The following SMARCA4 variants were observed in gnomAD, a reference collection of about 807,000 sequenced individuals.
SMARCA4 encodes SWI/SNF related BAF chromatin remodeling complex subunit ATPase 4, also known as SWI/SNF-related matrix-associated actin-dependent regulator of chromatin subfamily A member 4.
Under a neutral mutation model 193.9 loss-of-function variants are expected in SMARCA4, and 31 were observed. The observed-to-expected ratio is 0.16, with a 90% CI of 0.12 to 0.22. SMARCA4 has a LOEUF of 0.22. Ranked by LOEUF, SMARCA4 falls within the 10% of genes least tolerant of loss-of-function variation. SMARCA4 has a pLI of 1.00. For synonymous variants in SMARCA4, 942 were observed against 933.1 expected, an observed-to-expected ratio of 1.01 and a Z score of -0.17; for missense variants, 1,148 against 2,296.0, an observed-to-expected ratio of 0.50 and a Z score of 10.22.
In SMARCA4 at chr19:11,021,833, C is replaced by T. The variant is rs748251383; in HGVS notation, c.2725C>T (p.Leu909=). 3 of 1,613,740 alleles carry T rather than the reference C, an allele frequency of 1.9e-6. No homozygotes were observed. Among genetic ancestry groups the T allele is most frequent in the Admixed American group, 3.3e-5 (2 of 60,030 alleles). Residue 909 remains leucine, a synonymous_variant, in exon 19 of 35, where the codon CTG becomes TTG. Coordinates refer to ENST00000344626, the MANE Select transcript of SMARCA4 (RefSeq NM_003072.5). ...THYVAPRRLL[L]TGTPLQNKLP... ...CTATGTGGCACCCCGCCGCCTGCTG[C>T]TGACGGGCACACCGCTGCAGAACAA... is the stretch of plus-strand genomic sequence containing the variant.
At position 10,986,198 on chromosome 19, in the gene SMARCA4, C is replaced by A. The variant is rs1555752859; in HGVS notation, c.365C>A (p.Ser122Ter). The stretch of plus-strand genomic sequence containing the variant: ...TGACCTTTCTCTGCAGGTTACCCCT[C>A]GCCCCTGGGTGGCTCTGAGCATGCC... Reference protein sequence around the residue: ...PMDQHSQGYPSPLGGSEHASS... With the variant: ...PMDQHSQGYP The change falls in exon 4 of 35, where the codon TCG becomes TAG. Residue 122 changes from serine to a stop codon, truncating the protein, a stop_gained. Coordinates refer to ENST00000344626, the MANE Select transcript of SMARCA4 (RefSeq NM_003072.5). LOFTEE classifies it high-confidence loss of function. This position sits in a 1 kb window ranked among gnomAD's most constrained non-coding sequence, Gnocchi z 6.7. The A allele has an allele frequency of 6.2e-7, 1 of 1,613,774 alleles. No homozygotes were observed. Among genetic ancestry groups the A allele is most frequent in the Non-Finnish European group, 8.5e-7 (1 of 1,179,908 alleles).
rs1290084345 is a variant in SMARCA4 at position 10,996,201 on chromosome 19, A to G, written c.1594-12A>G. 2 of 1,613,912 alleles carry G rather than the reference A, an allele frequency of 1.2e-6. No individual in the cohort carries two copies. Among genetic ancestry groups the G allele is most frequent in the African/African-American group, 2.7e-5 (2 of 74,912 alleles). On this transcript the variant is annotated splice_polypyrimidine_tract_variant and intron_variant, in intron 9 of 34. Transcript: ENST00000344626. ...GTGCCACCACATTGCAGTAACCCCC[A>G]TGCTTTTGTAGGCTGAAGATGAGGA...
intron 13 of SMARCA4, among the ~76,000 whole-genome samples, chr19:11,005,679 C>T (rs2146148136): frequency 6.6e-6 from 1 of 152,306 alleles, no homozygotes; most frequent in South Asian, 2.1e-4. Context: ...TGAGCCCCTT[C>T]CACCTCCCTG....
intron 15 of SMARCA4, chr19:11,012,256 C>G (rs910600745): frequency 6.4e-6 from 1 of 155,298 alleles, no homozygotes; most frequent in South Asian, 2.0e-4. Context: ...GCCTGTAATC[C>G]CAGCTACTTG....
At chr19:10,995,207 A>G in intron 9 of SMARCA4, 1 of 682,406 alleles carries the variant, frequency 1.5e-6, no homozygotes, top group South Asian at 1.5e-5. Context: ...TGACTGTGTG[A>G]CCTCAGGCCA....
At chr19:10,993,450 T>G (rs191851684) in intron 8 of SMARCA4, among the ~76,000 whole-genome samples, 106 of 152,314 alleles carry the variant, frequency 7.0e-4, no homozygotes, top group Non-Finnish European at 1.3e-3. Context: ...AGGACCGGAA[T>G]TCTTGGCTTG....
chr19:11,003,242 A>G, intron 12 of SMARCA4, 83 bp downstream of exon 12: 1 of 1,607,006 alleles, frequency 6.2e-7, no homozygotes, highest in East Asian at 2.2e-5. Flanking sequence ...AGCCAGGAGC[A>G]ATTTTACTTC....
Position 10,984,042 on chromosome 19 carries a change from C to T in SMARCA4, c.-31-79C>T. 9.5e-7 allele frequency: 1 copy of T among 1,057,408 alleles called. No homozygotes were observed. The highest frequency in any genetic ancestry group is 1.4e-6 in the Non-Finnish European group (1 of 690,534). The allele number at this position is 1,057,408 out of a possible 1,614,324, so 65.5% of individuals were successfully genotyped here. A position where few individuals can be genotyped will look rare whatever the true frequency, so the allele number is the denominator to read the frequency against. On this transcript the variant is annotated intron_variant, in intron 1 of 34. Coordinates refer to ENST00000344626, the MANE Select transcript of SMARCA4 (RefSeq NM_003072.5). This position sits in a 1 kb window ranked among gnomAD's most constrained non-coding sequence, Gnocchi z 4.3. Reference sequence around the variant, plus strand: ...CTGTGGGATGTAGATTCTGATGTGACCGTATGATTGTCCCTTGCTATCCCT... The same window carrying T: ...CTGTGGGATGTAGATTCTGATGTGATCGTATGATTGTCCCTTGCTATCCCT...
rs1600366853 is a variant in SMARCA4 at position 11,030,946 on chromosome 19, A to T, written c.3546+53A>T. On this transcript the variant is annotated intron_variant, in intron 25 of 34. Coordinates refer to ENST00000344626, the MANE Select transcript of SMARCA4 (RefSeq NM_003072.5). This position sits in a 1 kb window ranked among gnomAD's most constrained non-coding sequence, Gnocchi z 5.5. Reference sequence around the variant, plus strand: ...GGAGAAGGAAGGGGGTGCCTGCAAAACCTCGAGGAGACGGCCCTGGCTTGA... The same window carrying T: ...GGAGAAGGAAGGGGGTGCCTGCAAATCCTCGAGGAGACGGCCCTGGCTTGA... 2 of 1,550,434 alleles carry T rather than the reference A, an allele frequency of 1.3e-6. No individual in the cohort carries two copies. Among genetic ancestry groups the T allele is most frequent in the Non-Finnish European group, 1.8e-6 (2 of 1,137,132 alleles).
chr19:10,979,125 T>C lies in SMARCA4; in HGVS notation c.-31-4996T>C, dbSNP rs528210815. Among the ~76,000 whole-genome samples the C allele has an allele frequency of 1.5e-4, 23 of 152,274 alleles. No homozygotes were observed. The East Asian group carries it at 2.7e-3, about 18-fold the overall frequency. On this transcript the variant is annotated intron_variant, in intron 1 of 34. Transcript: ENST00000344626. Reference sequence around the variant, plus strand: ...TGACAGCAGCAAGTGTTGGGGTTGATGAAGAGCACCTGGAATGCTGTCCCT... The same window carrying C: ...TGACAGCAGCAAGTGTTGGGGTTGACGAAGAGCACCTGGAATGCTGTCCCT...
chr19:11,031,012 GC>G lies in SMARCA4; in HGVS notation c.3546+121del, dbSNP rs775865872. 6 of 929,970 alleles carry G rather than the reference GC, an allele frequency of 6.5e-6. No individual in the cohort carries two copies. Among genetic ancestry groups the G allele is most frequent in the Non-Finnish European group, 8.4e-6 (5 of 593,970 alleles). 57.6% of individuals were successfully genotyped at this position (929,970 alleles called of 1,614,324 possible). A position where few individuals can be genotyped will look rare whatever the true frequency, so the allele number is the denominator to read the frequency against. On this transcript the variant is annotated intron_variant, in intron 25 of 34. Coordinates refer to ENST00000344626, the MANE Select transcript of SMARCA4 (RefSeq NM_003072.5). This position sits in a 1 kb window ranked among gnomAD's most constrained non-coding sequence, Gnocchi z 4.3. ...CTCCACATTGTCTTGGACCCCAGGA[GC>G]CGGGAGGAGCTGCACCCATATCTCC...
chr19:11,022,031 C>T (rs533161735), intron 19 of SMARCA4, 64 bp downstream of exon 19: 123 of 1,606,914 alleles, frequency 7.7e-5, no homozygotes, highest in African/African-American at 3.1e-4. Flanking sequence ...CTGGTTGGAA[C>T]GTGTTGAGCA....
chr19:10,964,298 G>C (rs2084038925), intron 1 of SMARCA4, among the ~76,000 whole-genome samples: 1 of 151,880 alleles, frequency 6.6e-6, no homozygotes, highest in South Asian at 2.1e-4. Flanking sequence ...ATGTCTGGTG[G>C]AACTTTCTTT....
At chr19:11,051,121 G>A (rs991332996) in intron 30 of SMARCA4, among the ~76,000 whole-genome samples, 5 of 152,242 alleles carry the variant, frequency 3.3e-5, no homozygotes, top group Non-Finnish European at 7.3e-5. Context: ...CCGTGCTGGG[G>A]TTCTGCGCCT....
intron 30 of SMARCA4, among the ~76,000 whole-genome samples, chr19:11,055,935 A>G (rs2076524071): frequency 6.6e-6 from 1 of 151,912 alleles, no homozygotes; most frequent in African/African-American, 2.4e-5. Flanking sequence ...GCTGCTTTTC[A>G]TAGAAGAGAC....
chr19:10,999,380 G>T (rs1226397087), intron 11 of SMARCA4, among the ~76,000 whole-genome samples: 1 of 152,122 alleles, frequency 6.6e-6, no homozygotes, highest in Non-Finnish European at 1.5e-5. Context: ...CTTGTGGCTG[G>T]GCATGGTGGC....
rs149342641 is a variant in SMARCA4, at chr19:11,007,985, C to T, written c.2085C>T (p.Ser695=). 170 of 1,613,556 alleles carry T rather than the reference C, an allele frequency of 1.1e-4. 1 individual carries two copies. Among genetic ancestry groups the T allele is most frequent in the Admixed American group, 8.0e-4 (48 of 60,008 alleles). ...AGAAGAAGATTCCAGATCCAGACAG[C>T]GATGACGTCTCTGAGGTGGACGCGC... ...EEKKKIPDPD[S]DDVSEVDARH... Residue 695 remains serine, a synonymous_variant, in exon 14 of 35, where the codon AGC becomes AGT. Transcript: ENST00000344626.
intron 1 of SMARCA4, among the ~76,000 whole-genome samples, chr19:10,973,099 A>G (rs1345047194): frequency 6.7e-6 from 1 of 150,120 alleles, no homozygotes; most frequent in Non-Finnish European, 1.5e-5. Flanking sequence ...ACAGAGCCAG[A>G]GTCCATCTAC....
In SMARCA4 at chr19:11,019,552, G is replaced by T. The variant is rs765269914; in HGVS notation, c.2506-39G>T. 2 of 1,437,398 alleles carry T rather than the reference G, an allele frequency of 1.4e-6. No homozygotes were observed. The highest frequency in any genetic ancestry group is 2.4e-5 in the South Asian group (2 of 84,262). The allele number at this position is 1,437,398 out of a possible 1,614,324, so 89.0% of individuals were successfully genotyped here. The stretch of plus-strand genomic sequence containing the variant: ...GCCCCTCTTGCCACCTGGCCACCCG[G>T]CTCCAAAAGCCGAGCTGTGCATCCT... On this transcript the variant is annotated intron_variant, in intron 17 of 34. Coordinates refer to ENST00000344626, the MANE Select transcript of SMARCA4 (RefSeq NM_003072.5). This position sits in a 1 kb window ranked among gnomAD's most constrained non-coding sequence, Gnocchi z 6.1.
Sources: gnomAD v4.1 joint callset for allele counts (sites outside exome capture counted in the v4.1 genomes callset) on GRCh38, gnomAD v4.1.1 for gene constraint, Gnocchi (gnomAD v3.1) non-coding constraint, MANE v1.5 for transcripts, NCBI Gene and HGNC (gene_info 2026-07-23, HGNC 2026-07-21) for gene names.